GALNT13: variants seen among roughly 807,000 people sequenced by gnomAD.
The protein encoded by GALNT13 is polypeptide N-acetylgalactosaminyltransferase 13.
A neutral mutation model predicts 64.2 loss-of-function variants in GALNT13; 28 were observed. The observed-to-expected ratio is 0.44, with a 90% CI of 0.32 to 0.60. GALNT13 has a LOEUF of 0.60. Ranked by LOEUF, GALNT13 falls within the 20% of genes least tolerant of loss-of-function variation. The pLI is 0.05. For synonymous variants in GALNT13, 214 were observed against 224.6 expected, an observed-to-expected ratio of 0.95 and a Z score of 0.42; for missense variants, 577 against 669.8, an observed-to-expected ratio of 0.86 and a Z score of 1.53.
At chr2:153,547,238 A>C in the GALNT13 span, among the ~76,000 whole-genome samples, 1 of 152,210 alleles carries the variant, frequency 6.6e-6, no homozygotes, top group African/African-American at 2.4e-5. Flanking sequence ...TTTCCAGACT[A>C]TTGTTTTCTA....
the GALNT13 span, among the ~76,000 whole-genome samples, chr2:153,205,254 T>C: frequency 6.6e-6 from 1 of 151,616 alleles, no homozygotes; most frequent in Non-Finnish European, 1.5e-5. Flanking sequence ...AGTGAAGTTA[T>C]TGATATCTTG....
chr2:154,174,004 A>G (rs535857885), intron 4 of GALNT13, among the ~76,000 whole-genome samples: 7 of 152,254 alleles, frequency 4.6e-5, no homozygotes, highest in Admixed American at 3.3e-4. Flanking sequence ...ATCTAAAAGG[A>G]AAACCAGCAT....
chr2:154,396,217 A>C lies in GALNT13; in HGVS notation c.1296+87A>C, dbSNP rs549034031. The stretch of plus-strand genomic sequence containing the variant: ...GAGCTCAGTATTTTTTATGTTATGA[A>C]AATGCTGTAAGGGATTTTTAATTAG... On this transcript the variant is annotated intron_variant, in intron 10 of 12. Transcript: ENST00000392825. The C allele has an allele frequency of 1.8e-4, 151 of 817,690 alleles. No homozygotes were observed. In the African/African-American group the frequency reaches 2.4e-3, roughly 13 times the overall value. 50.7% of individuals were successfully genotyped at this position (817,690 alleles called of 1,614,324 possible). A position where few individuals can be genotyped will look rare whatever the true frequency, so the allele number is the denominator to read the frequency against.
At chr2:153,651,873 T>C in the GALNT13 span, among the ~76,000 whole-genome samples, 1 of 152,296 alleles carries the variant, frequency 6.6e-6, no homozygotes, top group East Asian at 1.9e-4. Flanking sequence ...ATATTTGTTG[T>C]ATCTGTTATT....
chr2:154,312,359 A>G (rs865780135), intron 9 of GALNT13, among the ~76,000 whole-genome samples: 3 of 152,208 alleles, frequency 2.0e-5, no homozygotes, highest in African/African-American at 4.8e-5. Flanking sequence ...GTAGCAATGA[A>G]CATCTTTTGC....
At chr2:153,270,256 T>C in the GALNT13 span, among the ~76,000 whole-genome samples, 1 of 152,130 alleles carries the variant, frequency 6.6e-6, no homozygotes, top group Non-Finnish European at 1.5e-5. Context: ...GTCAGACATT[T>C]TAGGTACTAA....
chr2:153,328,152 G>T, the GALNT13 span, among the ~76,000 whole-genome samples: 1 of 152,156 alleles, frequency 6.6e-6, no homozygotes, highest in Admixed American at 6.5e-5. Context: ...AGCAAAGATT[G>T]CTGCCTGCTC....
chr2:154,283,285 C>A (rs1018530128), intron 8 of GALNT13, among the ~76,000 whole-genome samples: 9 of 152,024 alleles, frequency 5.9e-5, no homozygotes, highest in African/African-American at 1.9e-4. Context: ...TCACCAGTAT[C>A]TTCAAGTTTT....
chr2:154,005,980 G>A (rs184799844), intron 3 of GALNT13, among the ~76,000 whole-genome samples: 84 of 152,258 alleles, frequency 5.5e-4, no homozygotes, highest in Admixed American at 2.6e-3. Flanking sequence ...GCAATCAGAG[G>A]TATCTTCCTA....
the GALNT13 span, among the ~76,000 whole-genome samples, chr2:153,611,968 G>A: frequency 1.7e-4 from 26 of 151,538 alleles, no homozygotes; most frequent in Admixed American, 6.6e-4. Flanking sequence ...TTGGTTTTCC[G>A]TTCCTGTGTT....
the GALNT13 span, among the ~76,000 whole-genome samples, chr2:153,113,086 T>G: frequency 6.6e-6 from 1 of 152,114 alleles, no homozygotes; most frequent in South Asian, 2.1e-4. Context: ...TCACTTTGAT[T>G]CATTCCAGTT....
intron 4 of GALNT13, among the ~76,000 whole-genome samples, chr2:154,200,163 T>C (rs543893822): frequency 6.6e-6 from 1 of 152,220 alleles, no homozygotes; most frequent in Non-Finnish European, 1.5e-5. Context: ...ATATATTGGG[T>C]AGTAAACATA....
chr2:154,324,404 A>T (rs1313133306), intron 9 of GALNT13, among the ~76,000 whole-genome samples: 1 of 151,912 alleles, frequency 6.6e-6, no homozygotes, highest in African/African-American at 2.4e-5. Flanking sequence ...CCACTGGAGG[A>T]TATTCAGCAA....
At chr2:153,842,141 G>A in the GALNT13 span, among the ~76,000 whole-genome samples, 15 of 151,904 alleles carry the variant, frequency 9.9e-5, no homozygotes, top group Non-Finnish European at 4.4e-5. Flanking sequence ...GAGGTGGGGG[G>A]AGCTGGGGGA....
At chr2:153,220,544 AC>A in the GALNT13 span, among the ~76,000 whole-genome samples, 4 of 152,166 alleles carry the variant, frequency 2.6e-5, no homozygotes, top group Non-Finnish European at 5.9e-5. Flanking sequence ...TGGGTGGCTT[AC>A]CCTAAGGGAA....
At chr2:153,992,327 TTAAC>T (rs547342189) in intron 3 of GALNT13, among the ~76,000 whole-genome samples, 8 of 152,290 alleles carry the variant, frequency 5.3e-5, no homozygotes, top group South Asian at 2.1e-4. Flanking sequence ...GCTTGTTCAT[TTAAC>T]TAATTTCTAA....
At chr2:153,649,205 T>G in the GALNT13 span, among the ~76,000 whole-genome samples, 7 of 151,972 alleles carry the variant, frequency 4.6e-5, no homozygotes, top group East Asian at 1.9e-4. Flanking sequence ...GGGTGTATGT[T>G]TCAAGGAATT....
chr2:153,955,986 C>T (rs539898296), intron 3 of GALNT13, among the ~76,000 whole-genome samples: 1 of 152,080 alleles, frequency 6.6e-6, no homozygotes, highest in African/African-American at 2.4e-5. Flanking sequence ...TTCAGCACAC[C>T]CTGGCAAAAA....
At chr2:153,307,028 A>C in the GALNT13 span, among the ~76,000 whole-genome samples, 1 of 152,288 alleles carries the variant, frequency 6.6e-6, no homozygotes. Context: ...GAGCCAACGC[A>C]CCCAGCTCAT....
Sources: gnomAD v4.1 joint callset for allele counts (sites outside exome capture counted in the v4.1 genomes callset) on GRCh38, gnomAD v4.1.1 for gene constraint, MANE v1.5 for transcripts, NCBI Gene and HGNC (gene_info 2026-07-23, HGNC 2026-07-21) for gene names.